SGSM1: variants seen among roughly 807,000 people sequenced by gnomAD.
The protein encoded by SGSM1 is small G protein signaling modulator 1.
SGSM1 carries 73 observed loss-of-function variants against 133.8 expected under a neutral mutation model. The observed-to-expected ratio is 0.55, with a 90% CI of 0.45 to 0.66. SGSM1 has a LOEUF of 0.66. SGSM1 is among the 30% of genes least tolerant of loss of function. SGSM1 has a pLI of 0.00. For missense variants in SGSM1, 1,213 were observed against 1,448.1 expected (o/e 0.84, Z 2.64); for synonymous variants, 563 against 573.0 (o/e 0.98, Z 0.25).
intron 17 of SGSM1, among the ~76,000 whole-genome samples, chr22:24,894,083 A>G (rs1932863085): frequency 6.6e-6 from 1 of 152,216 alleles, no homozygotes; most frequent in African/African-American, 2.4e-5. Context: ...TAATAGCCCA[A>G]AGTAGGATCT....
At chr22:24,814,418 C>G (rs1344886912) in intron 2 of SGSM1, among the ~76,000 whole-genome samples, 1 of 151,986 alleles carries the variant, frequency 6.6e-6, no homozygotes, top group African/African-American at 2.4e-5. Flanking sequence ...GCAAGGAGTT[C>G]GCCCTAAGGT....
In SGSM1 at chr22:24,910,862, T is replaced by G. The variant is rs1451114048; in HGVS notation, c.2819-1781T>G. On this transcript the variant is annotated intron_variant, in intron 21 of 24. Transcript: ENST00000400358. ...CGGGAGGCTGCGGCAGGAGAAACAC[T>G]TGAACCCAGGAGACAGAGGTTGCAG... is the stretch of plus-strand genomic sequence containing the variant. Among the ~76,000 whole-genome samples the G allele has an allele frequency of 3.9e-5, 6 of 151,966 alleles. No homozygotes were observed. The East Asian group carries it at 1.2e-3, about 29-fold the overall frequency.
intron 14 of SGSM1, among the ~76,000 whole-genome samples, chr22:24,881,292 C>T (rs143804976): frequency 0.035 from 5,021 of 144,556 alleles, 444 homozygotes; most frequent in Middle Eastern, 0.058. Context: ...CTGGGCCGGG[C>T]GTGGTGGCTC....
chr22:24,851,100 CAAA>C (rs68153757), intron 5 of SGSM1, among the ~76,000 whole-genome samples: 2,838 of 95,748 alleles, frequency 0.03, 49 homozygotes, highest in East Asian at 0.12. Flanking sequence ...GACTCCATCT[CAAA>C]AAAAAAAAAA....
chr22:24,840,067 C>A (rs1008852495), intron 2 of SGSM1, among the ~76,000 whole-genome samples: 8 of 151,516 alleles, frequency 5.3e-5, no homozygotes, highest in Non-Finnish European at 1.0e-4. Flanking sequence ...CTCAGCCTCC[C>A]GAGTAGCTGG....
chr22:24,817,155 A>T (rs548705837), intron 2 of SGSM1, among the ~76,000 whole-genome samples: 150 of 152,200 alleles, frequency 9.9e-4, no homozygotes, highest in African/African-American at 3.6e-3. Flanking sequence ...CTGCATTTGG[A>T]GCTCAGCCTG....
At chr22:24,813,603 T>G (rs1927880845) in intron 2 of SGSM1, 1 of 152,206 alleles carries the variant, frequency 6.6e-6, no homozygotes, top group African/African-American at 2.4e-5. Context: ...TCGTGTTTGC[T>G]GGCTTAAGAG....
chr22:24,891,266 G>A (rs760111295), intron 16 of SGSM1, among the ~76,000 whole-genome samples: 7 of 152,142 alleles, frequency 4.6e-5, no homozygotes, highest in Admixed American at 2.0e-4. Flanking sequence ...AGGCTGAGAC[G>A]GGAGGATTGC....
intron 16 of SGSM1, among the ~76,000 whole-genome samples, chr22:24,886,969 A>G (rs1458524310): frequency 6.6e-6 from 1 of 152,226 alleles, no homozygotes; most frequent in African/African-American, 2.4e-5. Flanking sequence ...GTGGAGAACT[A>G]TGTGCATCTT....
intron 2 of SGSM1, among the ~76,000 whole-genome samples, chr22:24,829,313 T>C (rs192628756): frequency 1.1e-4 from 17 of 152,126 alleles, no homozygotes; most frequent in East Asian, 5.8e-4. Flanking sequence ...TTTTCACTTA[T>C]AAATGAGAGC....
chr22:24,866,841 G>A (rs558623926), intron 9 of SGSM1, among the ~76,000 whole-genome samples: 197 of 152,312 alleles, frequency 1.3e-3, no homozygotes, highest in Non-Finnish European at 2.3e-3. Flanking sequence ...CCTGGAGTCC[G>A]AGGGTGGAGA....
intron 2 of SGSM1, among the ~76,000 whole-genome samples, chr22:24,835,314 C>T (rs1458991713): frequency 6.6e-6 from 1 of 152,106 alleles, no homozygotes; most frequent in African/African-American, 2.4e-5. Context: ...ACCTGCGTCG[C>T]CTCATCTAAA....
chr22:24,873,082 C>T (rs1931846622), intron 12 of SGSM1, among the ~76,000 whole-genome samples: 2 of 152,008 alleles, frequency 1.3e-5, no homozygotes, highest in African/African-American at 4.8e-5. Context: ...CCTCAGCCTC[C>T]TGGGTAGCTG....
intron 5 of SGSM1, among the ~76,000 whole-genome samples, chr22:24,850,934 A>G (rs547090962): frequency 6.6e-6 from 1 of 152,240 alleles, no homozygotes; most frequent in Non-Finnish European, 1.5e-5. Context: ...CGTCTCTACT[A>G]AAAATACAAA....
rs189057919 is a variant in SGSM1, at chr22:24,875,193, C to T, written c.1292-1384C>T. On this transcript the variant is annotated intron_variant, in intron 12 of 24. Transcript: ENST00000400358. ...AGTGTGCAACTCTCTTCACTTCCTA[C>T]AGCAGGGATTAGAAAACTAAGATTC... Among the ~76,000 whole-genome samples the T allele has an allele frequency of 1.4e-3, 206 of 152,292 alleles. 5 individuals are homozygous for T. Among genetic ancestry groups the T allele is most frequent in the Non-Finnish European group, 2.5e-4 (17 of 68,028 alleles).
At chr22:24,906,312 T>C (rs1158856190) in intron 21 of SGSM1, among the ~76,000 whole-genome samples, 1 of 152,132 alleles carries the variant, frequency 6.6e-6, no homozygotes, top group Admixed American at 6.5e-5. Context: ...TACTCAATGG[T>C]GAAAAACTGA....
intron 9 of SGSM1, among the ~76,000 whole-genome samples, chr22:24,864,149 T>C (rs1179721600): frequency 3.9e-5 from 6 of 152,102 alleles, no homozygotes; most frequent in Admixed American, 3.9e-4. Context: ...AAAAGCTAGA[T>C]ATTGGGGTTC....
At chr22:24,858,555 A>T (rs1930939039) in intron 8 of SGSM1, among the ~76,000 whole-genome samples, 1 of 151,288 alleles carries the variant, frequency 6.6e-6, no homozygotes, top group South Asian at 2.1e-4. Flanking sequence ...AGAATCACCT[A>T]AATCCGGGAA....
At chr22:24,830,825 A>G (rs1454455873) in intron 2 of SGSM1, among the ~76,000 whole-genome samples, 2 of 151,588 alleles carry the variant, frequency 1.3e-5, no homozygotes, top group African/African-American at 4.9e-5. Context: ...GCCAGTTCCT[A>G]GGTGATGCTG....
Sources: allele counts gnomAD v4.1 joint callset (sites outside exome capture counted in the v4.1 genomes callset), GRCh38; gene constraint gnomAD v4.1.1; transcripts MANE v1.5; gene names NCBI Gene and HGNC (gene_info 2026-07-23, HGNC 2026-07-21).